The following PCNX2 variants were observed in gnomAD, a reference collection of about 807,000 sequenced individuals.
PCNX2 encodes pecanex 2.
In PCNX2, 168 loss-of-function variants were observed where a neutral mutation model predicts 223.8. That is an observed-to-expected ratio of 0.75 (90% CI 0.66 to 0.85). The LOEUF is 0.85. Among genes scored for constraint, PCNX2 ranks in the 40% least tolerant of loss-of-function variants. The probability of loss-of-function intolerance (pLI) is 0.00; values close to 1 mark genes in which losing one functional copy is unlikely to be tolerated. For missense variants in PCNX2, 2,507 were observed against 2,675.5 expected (o/e 0.94, Z 1.39); for synonymous variants, 1,006 against 1,052.6 (o/e 0.96, Z 0.86).
intron 2 of PCNX2, among the ~76,000 whole-genome samples, chr1:233,262,689 T>A (rs992683891): frequency 2.0e-4 from 31 of 152,286 alleles, no homozygotes; most frequent in African/African-American, 7.5e-4. Context: ...GAAGGGAAAT[T>A]TTTTGCAGTG....
chr1:233,204,165 G>A (rs1044619096), intron 13 of PCNX2, among the ~76,000 whole-genome samples: 2 of 152,006 alleles, frequency 1.3e-5, no homozygotes, highest in African/African-American at 4.8e-5. Context: ...CAATATGACT[G>A]GTGTCCTTAT....
intron 1 of PCNX2, among the ~76,000 whole-genome samples, chr1:233,277,916 A>G (rs1283881475): frequency 6.6e-6 from 1 of 152,216 alleles, no homozygotes; most frequent in African/African-American, 2.4e-5. Context: ...GAAGCAATGA[A>G]TGACTACTGA....
intron 1 of PCNX2, among the ~76,000 whole-genome samples, chr1:233,268,457 T>C (rs1660464257): frequency 6.6e-6 from 1 of 152,204 alleles, no homozygotes; most frequent in Non-Finnish European, 1.5e-5. Context: ...GCTCATCCTT[T>C]ACTGATGTGT....
intron 21 of PCNX2, among the ~76,000 whole-genome samples, chr1:233,118,870 T>C (rs1675585209): frequency 6.6e-6 from 1 of 152,152 alleles, no homozygotes; most frequent in Non-Finnish European, 1.5e-5. Flanking sequence ...CTAAAATTTA[T>C]AGGAAATGCA....
In PCNX2 at chr1:232,990,897, C is replaced by T. The variant is rs931772400; in HGVS notation, c.5792-4357G>A. ...ACTTGCAGGCACGTGCACCCCCAGA[C>T]GGGCATGTGAATGGGGAGGCTCCAG... On this transcript the variant is annotated intron_variant, in intron 32 of 33. Coordinates refer to ENST00000258229, the MANE Select transcript of PCNX2 (RefSeq NM_014801.4). The surrounding 1 kb of genome is among the most constrained non-coding windows in gnomAD (Gnocchi z 4.3). Among the ~76,000 whole-genome samples the T allele has an allele frequency of 1.2e-4, 19 of 152,218 alleles. 1 individual carries two copies. The highest frequency in any genetic ancestry group is 1.2e-3 in the South Asian group (6 of 4,832).
chr1:233,198,023 C>T (rs1289614319), intron 15 of PCNX2, among the ~76,000 whole-genome samples: 2 of 152,128 alleles, frequency 1.3e-5, no homozygotes, highest in East Asian at 3.9e-4. Flanking sequence ...ATTATGTATA[C>T]TGTTATATTT....
Position 233,057,201 on chromosome 1 carries a change from T to G in PCNX2, c.4135+31A>C, listed in dbSNP as rs1038052971. On this transcript the variant is annotated intron_variant, in intron 24 of 33. Coordinates refer to ENST00000258229, the MANE Select transcript of PCNX2 (RefSeq NM_014801.4). The stretch of plus-strand genomic sequence containing the variant: ...GAGAATCCATCCATACAACAATAAA[T>G]AGTTGAAAAAGAGAGAAGAGATCTT... The G allele has an allele frequency of 3.3e-6, 5 of 1,523,200 alleles. No homozygotes were observed. The South Asian group carries it at 5.8e-5, about 18-fold the overall frequency. 94.4% of individuals were successfully genotyped at this position (1,523,200 alleles called of 1,614,324 possible).
At chr1:233,277,758 G>A (rs538927411) in intron 1 of PCNX2, among the ~76,000 whole-genome samples, 11 of 152,128 alleles carry the variant, frequency 7.2e-5, no homozygotes, top group Admixed American at 2.0e-4. Flanking sequence ...GGAGGGCACC[G>A]ATCATTAGCA....
intron 21 of PCNX2, among the ~76,000 whole-genome samples, chr1:233,107,030 C>T (rs78464276): frequency 0.015 from 2,295 of 151,828 alleles, 55 homozygotes; most frequent in African/African-American, 0.051. Flanking sequence ...TATAATAATA[C>T]GAGTTAACTT....
rs1449655418 is a variant in PCNX2 at position 233,191,844 on chromosome 1, C to T, written c.3066+7095G>A. ...GGCAGTCTGCAGCAACTCCTGCTGT[C>T]GTAGAGGCGGCAGCATTTATTCATT... On this transcript the variant is annotated intron_variant, in intron 15 of 33. Coordinates refer to ENST00000258229, the MANE Select transcript of PCNX2 (RefSeq NM_014801.4). 2.6e-5 allele frequency among the ~76,000 whole-genome samples: 4 copies of T among 152,122 alleles called. No homozygotes were observed. In the South Asian group the frequency reaches 6.2e-4, roughly 24 times the overall value.
chr1:233,202,024 A>T (rs1250769082), intron 13 of PCNX2: 1 of 348,982 alleles, frequency 2.9e-6, no homozygotes, highest in Non-Finnish European at 5.8e-6. Context: ...AACATCCTGG[A>T]GGAGGAAAGC....
chr1:233,218,154 C>T lies in PCNX2; in HGVS notation c.2535G>A (p.Ala845=), dbSNP rs372481177. 3.5e-5 allele frequency: 54 copies of T among 1,525,060 alleles called. No individual in the cohort carries two copies. The Admixed American group carries it at 6.6e-4, about 19-fold the overall frequency. 94.5% of individuals were successfully genotyped at this position (1,525,060 alleles called of 1,614,324 possible). A position where few individuals can be genotyped will look rare whatever the true frequency, so the allele number is the denominator to read the frequency against. ...RTEDIKENVL[A]ILLIVLVSLL... is the part of the protein sequence containing the mutation. Reference sequence around the variant, plus strand: ...GGGAAACCAGGACAATGAGTAAAATCGCCAGTACATTCTCCTTGATGTCTT... The same window carrying T: ...GGGAAACCAGGACAATGAGTAAAATTGCCAGTACATTCTCCTTGATGTCTT... The change falls in exon 11 of 34, where the codon GCG becomes GCA. Residue 845 remains alanine (A), a synonymous_variant. Coordinates refer to ENST00000258229, the MANE Select transcript of PCNX2 (RefSeq NM_014801.4).
chr1:233,292,403 T>G (rs1661829186), intron 1 of PCNX2, among the ~76,000 whole-genome samples: 2 of 152,028 alleles, frequency 1.3e-5, no homozygotes, highest in Admixed American at 1.3e-4. Context: ...AAGACAGGAT[T>G]TCACTATGTT....
intron 15 of PCNX2, among the ~76,000 whole-genome samples, 197 bp downstream of exon 15, chr1:233,198,742 G>A (rs1680880810): frequency 6.6e-6 from 1 of 152,152 alleles, no homozygotes; most frequent in Admixed American, 6.5e-5. Flanking sequence ...GAGGTGGGGG[G>A]CCTTTCACAT....
intron 1 of PCNX2, chr1:233,291,933 GA>G: frequency 1.0e-6 from 1 of 985,364 alleles, no homozygotes; most frequent in Non-Finnish European, 1.2e-6. Flanking sequence ...CTGCTGTAAA[GA>G]AAACTGCTCT....
intron 33 of PCNX2, 45 bp downstream of exon 33, chr1:232,986,047 G>A (rs1187246141): frequency 9.1e-6 from 14 of 1,543,802 alleles, no homozygotes; most frequent in African/African-American, 1.4e-5. Flanking sequence ...AGGAGCCCGT[G>A]CCACCATCCC....
intron 1 of PCNX2, among the ~76,000 whole-genome samples, chr1:233,281,792 G>C (rs1214592702): frequency 2.0e-5 from 3 of 152,162 alleles, no homozygotes; most frequent in African/African-American, 7.2e-5. Context: ...TCTGACCACA[G>C]TCTGTAATAT....
chr1:233,152,981 C>A (rs1300483305), intron 19 of PCNX2, among the ~76,000 whole-genome samples: 3 of 152,162 alleles, frequency 2.0e-5, no homozygotes, highest in African/African-American at 7.2e-5. Context: ...GGGTTTGAGC[C>A]CACCCAGTCT....
At chr1:233,269,776 T>C (rs1410494255) in intron 1 of PCNX2, among the ~76,000 whole-genome samples, 1 of 151,344 alleles carries the variant, frequency 6.6e-6, no homozygotes, top group Non-Finnish European at 1.5e-5. Context: ...CATCCGAGAG[T>C]GCTGGGATGA....
Sources: allele counts gnomAD v4.1 joint callset (sites outside exome capture counted in the v4.1 genomes callset), GRCh38; gene constraint gnomAD v4.1.1; non-coding constraint Gnocchi (gnomAD v3.1); transcripts MANE v1.5; gene names NCBI Gene and HGNC (gene_info 2026-07-23, HGNC 2026-07-21).